Variants in PCDHGA4 observed in about 807,000 individuals in gnomAD.
The protein encoded by PCDHGA4 is protocadherin gamma subfamily A, 4, also known as protocadherin gamma-A4.
In PCDHGA4, 38 loss-of-function variants were observed where a neutral mutation model predicts 54.6. The ratio of observed to expected loss-of-function variants is 0.70; its 90% CI spans 0.54 to 0.91. PCDHGA4 has a LOEUF of 0.91. Ranked by LOEUF, PCDHGA4 falls within the 40% of genes least tolerant of loss-of-function variation. The pLI, the probability that PCDHGA4 is intolerant of heterozygous loss-of-function variation, is 0.00. For missense variants in PCDHGA4, 1,298 were observed against 1,220.9 expected, an observed-to-expected ratio of 1.06 and a Z score of -0.94; for synonymous variants, 511 against 512.9, an observed-to-expected ratio of 1.00 and a Z score of 0.05.
intron 1 of PCDHGA4, chr5:141,384,872 T>C (rs773444317): frequency 1.9e-6 from 3 of 1,613,766 alleles, no homozygotes; most frequent in Non-Finnish European, 1.7e-6. Flanking sequence ...TCAGCCACCG[T>C]CACACTCACC....
chr5:141,433,054 G>A, intron 1 of PCDHGA4: 2 of 1,614,196 alleles, frequency 1.2e-6, no homozygotes, highest in Non-Finnish European at 1.7e-6. Context: ...ACTCGCGGAA[G>A]AGTCACCTGA....
chr5:141,365,784 C>T, intron 1 of PCDHGA4: 2 of 1,613,912 alleles, frequency 1.2e-6, no homozygotes, highest in Non-Finnish European at 1.7e-6. Context: ...GGCGACAACG[C>T]TCGAGTCACC....
chr5:141,462,774 A>G (rs890366708), intron 1 of PCDHGA4, among the ~76,000 whole-genome samples: 1 of 152,126 alleles, frequency 6.6e-6, no homozygotes, highest in Admixed American at 6.6e-5. Context: ...GCTTGGGGTC[A>G]TAATTTGTTG....
At chr5:141,389,424 G>T in intron 1 of PCDHGA4, 1 of 1,613,510 alleles carries the variant, frequency 6.2e-7, no homozygotes, top group Non-Finnish European at 8.5e-7. Context: ...GGTGGTGTTC[G>T]CGCAGCGCGC....
At chr5:141,358,959 G>A (rs190697556) in intron 1 of PCDHGA4, among the ~76,000 whole-genome samples, 2 of 152,314 alleles carry the variant, frequency 1.3e-5, no homozygotes, top group South Asian at 2.1e-4. Flanking sequence ...CTTTCATTTA[G>A]GTTCTGTGAG....
At chr5:141,360,409 C>A (rs890064560) in intron 1 of PCDHGA4, 2 of 1,613,722 alleles carry the variant, frequency 1.2e-6, no homozygotes, top group Non-Finnish European at 1.7e-6. Context: ...CAGAATAGAC[C>A]GAGAACAGAT....
chr5:141,400,147 C>T lies in PCDHGA4; in HGVS notation c.2514+42526C>T, dbSNP rs751998425. ...GGAGGTGCTGCCGGATATCACTGAC[C>T]GCCCTGTACCCTCTGACCCCCAGGC... On this transcript the variant is annotated intron_variant, in intron 1 of 3. Coordinates refer to ENST00000571252, the MANE Select transcript of PCDHGA4 (RefSeq NM_018917.4). 3.7e-6 allele frequency: 6 copies of T among 1,614,074 alleles called. No homozygotes were observed. In the East Asian group the frequency reaches 1.1e-4, roughly 30 times the overall value.
At chr5:141,375,688 C>T in intron 1 of PCDHGA4, 1 of 1,614,256 alleles carries the variant, frequency 6.2e-7, no homozygotes, top group Non-Finnish European at 8.5e-7. Context: ...TGACAGCCAG[C>T]GACAGCGGGG....
rs115565444 is a variant in PCDHGA4, at chr5:141,487,520, G to A, written c.2515-7287G>A. On this transcript the variant is annotated intron_variant, in intron 1 of 3. Transcript: ENST00000571252. This position sits in a 1 kb window ranked among gnomAD's most constrained non-coding sequence, Gnocchi z 5.0. ...CTTGGCTTCTGCACCCACTCGGAGT[G>A]ATAGCTTCATGATGGTGAAGTCACC... is the stretch of plus-strand genomic sequence containing the variant. The A allele has an allele frequency of 3.3e-4, 540 of 1,614,166 alleles. 6 individuals carry two copies. The East Asian group carries it at 8.7e-3, about 26-fold the overall frequency.
intron 1 of PCDHGA4, chr5:141,415,059 C>A: frequency 1.2e-6 from 2 of 1,613,396 alleles, no homozygotes; most frequent in Non-Finnish European, 1.7e-6. Flanking sequence ...AGCACACGGG[C>A]GAGGTGCGCA....
At chr5:141,438,305 G>T (rs1287488865) in intron 1 of PCDHGA4, among the ~76,000 whole-genome samples, 2 of 151,822 alleles carry the variant, frequency 1.3e-5, no homozygotes, top group East Asian at 1.9e-4. Context: ...AAAGAAGTTG[G>T]TACCACCATA....
In PCDHGA4 at chr5:141,408,212, A is replaced by C. The variant is rs1360693546; in HGVS notation, c.2514+50591A>C. ...AGAACCCGAGCGAACGATGGGAGGGAGCTGCGCGCAGAGGCGCCGGGCCGG... is the reference window on the plus strand; with the variant it reads ...AGAACCCGAGCGAACGATGGGAGGGCGCTGCGCGCAGAGGCGCCGGGCCGG... On this transcript the variant is annotated intron_variant, in intron 1 of 3. Coordinates refer to ENST00000571252, the MANE Select transcript of PCDHGA4 (RefSeq NM_018917.4). 1.9e-6 allele frequency: 3 copies of C among 1,554,492 alleles called. No individual in the cohort carries two copies. In the Admixed American group the frequency reaches 5.9e-5, roughly 30 times the overall value.
At chr5:141,480,046 A>G (rs919527311) in intron 1 of PCDHGA4, among the ~76,000 whole-genome samples, 1 of 152,206 alleles carries the variant, frequency 6.6e-6, no homozygotes, top group Non-Finnish European at 1.5e-5. Context: ...ATATGCAAAA[A>G]GGGAATAATA....
chr5:141,480,273 G>A (rs2099516030), intron 1 of PCDHGA4, among the ~76,000 whole-genome samples: 1 of 151,956 alleles, frequency 6.6e-6, no homozygotes, highest in Non-Finnish European at 1.5e-5. Flanking sequence ...TCATTAGCTG[G>A]GTGTGTTGGC....
chr5:141,450,991 AT>A (rs1351194705), intron 1 of PCDHGA4, among the ~76,000 whole-genome samples: 2 of 150,700 alleles, frequency 1.3e-5, no homozygotes, highest in Non-Finnish European at 1.5e-5. Context: ...CACCCGGCTA[AT>A]TTTTTTGTAT....
At position 141,357,280 on chromosome 5, in the gene PCDHGA4, G is replaced by C; in HGVS notation, c.2173G>C (p.Val725Leu). The C allele has an allele frequency of 1.2e-6, 2 of 1,613,938 alleles. No homozygotes were observed. The change falls in exon 1 of 4, where the codon GTG (valine) becomes CTG (leucine). Residue 725 changes from valine (V) to leucine (L), a missense_variant. Transcript: ENST00000571252. ...PDDSGLTLYL[V>L]VAVAAVSCVF... is the part of the protein sequence containing the mutation. ...CGACTCGGGCCTCACACTCTATCTC[G>C]TGGTGGCAGTGGCCGCTGTCTCCTG...
Position 141,477,128 on chromosome 5 carries a change from G to C in PCDHGA4, c.2515-17679G>C. On this transcript the variant is annotated intron_variant, in intron 1 of 3. Transcript: ENST00000571252. The surrounding 1 kb of genome is among the most constrained non-coding windows in gnomAD (Gnocchi z 4.9). ...CAATCCCGAAGGAGCACATTGCAAA[G>C]TGTTGGTGGAGGTTGTGGATGTGAA... 1.9e-6 allele frequency: 3 copies of C among 1,614,250 alleles called. No homozygotes were observed. The highest frequency in any genetic ancestry group is 2.5e-6 in the Non-Finnish European group (3 of 1,180,046).
chr5:141,374,433 A>T, intron 1 of PCDHGA4: 1 of 1,613,990 alleles, frequency 6.2e-7, no homozygotes. Flanking sequence ...CTGAATCTTT[A>T]TCCCGTGGAA....
chr5:141,376,207 C>T lies in PCDHGA4; in HGVS notation c.2514+18586C>T. On this transcript the variant is annotated intron_variant, in intron 1 of 3. Coordinates refer to ENST00000571252, the MANE Select transcript of PCDHGA4 (RefSeq NM_018917.4). ...TCTCCTGCGTCTTCCTGGCCTTCGT[C>T]ATCGTGCTGCTGGCGCTCAGACTGC... 1.9e-6 allele frequency: 3 copies of T among 1,614,208 alleles called. No homozygotes were observed. The African/African-American group carries it at 4.0e-5, about 22-fold the overall frequency.
Sources: gnomAD v4.1 joint callset for allele counts (sites outside exome capture counted in the v4.1 genomes callset) on GRCh38, gnomAD v4.1.1 for gene constraint, Gnocchi (gnomAD v3.1) non-coding constraint, MANE v1.5 for transcripts, NCBI Gene and HGNC (gene_info 2026-07-23, HGNC 2026-07-21) for gene names.